Variants in PINX1 observed in about 807,000 individuals in gnomAD.
PINX1 encodes PIN2/TERF1-interacting telomerase inhibitor 1.
PINX1 carries 34 observed loss-of-function variants against 25.4 expected under a neutral mutation model. That is an observed-to-expected ratio of 1.34 (90% confidence interval 1.02 to 1.78). The LOEUF (loss-of-function observed/expected upper bound fraction) is 1.78, where lower values mean the gene tolerates loss of function less well. Among genes scored for constraint, PINX1 ranks in the 40% most tolerant of loss-of-function variants. PINX1 has a pLI of 0.00. For synonymous variants in PINX1, 197 were observed against 147.7 expected (o/e 1.33, Z -2.42); for missense variants, 592 against 404.9 (o/e 1.46, Z -3.97).
intron 6 of PINX1, among the ~76,000 whole-genome samples, chr8:10,783,059 A>T (rs775005662): frequency 4.6e-5 from 7 of 152,266 alleles, no homozygotes; most frequent in Admixed American, 2.0e-4. Context: ...GGGAGACTCC[A>T]TAGATTGCAA....
intron 6 of PINX1, among the ~76,000 whole-genome samples, chr8:10,798,757 G>A (rs1361590896): frequency 6.6e-6 from 1 of 152,178 alleles, no homozygotes; most frequent in East Asian, 1.9e-4. Flanking sequence ...CCTGGTCACT[G>A]TTTCTGAAAT....
At chr8:10,834,938 A>T (rs532224204) in intron 1 of PINX1, among the ~76,000 whole-genome samples, 163 bp from the exon 2 acceptor site, 2 of 152,390 alleles carry the variant, frequency 1.3e-5, no homozygotes, top group Non-Finnish European at 2.9e-5. Context: ...GTTAGACTGG[A>T]TCATTTATCC....
intron 6 of PINX1, among the ~76,000 whole-genome samples, chr8:10,784,075 G>C (rs986767266): frequency 6.6e-6 from 1 of 152,144 alleles, no homozygotes; most frequent in Non-Finnish European, 1.5e-5. Flanking sequence ...ATGATAATGT[G>C]TCATGCATCA....
At chr8:10,821,822 A>T (rs1429008965) in intron 5 of PINX1, 2 of 152,262 alleles carry the variant, frequency 1.3e-5, no homozygotes, top group African/African-American at 4.8e-5. Flanking sequence ...AATGCAAATT[A>T]AGGTCTCTTC....
At position 10,765,319 on chromosome 8, in the gene PINX1, C is replaced by A; in HGVS notation, c.*82G>T. ...GCGCCCAGGCGCTCTGGGGTGAACT[C>A]TGCTGTGACTTCAGGCCAGAGGTGT... is the stretch of plus-strand genomic sequence containing the variant. On this transcript the variant is annotated 3_prime_UTR_variant, in exon 7 of 7. Coordinates refer to ENST00000314787, the MANE Select transcript of PINX1 (RefSeq NM_017884.6). The A allele has an allele frequency of 1.5e-6, 2 of 1,345,986 alleles. No homozygotes were observed. Among genetic ancestry groups the A allele is most frequent in the Non-Finnish European group, 2.0e-6 (2 of 1,007,276 alleles). The allele number at this position is 1,345,986 out of a possible 1,614,324, so 83.4% of individuals were successfully genotyped here. A position where few individuals can be genotyped will look rare whatever the true frequency, so the allele number is the denominator to read the frequency against.
At chr8:10,784,552 G>A (rs142325639) in intron 6 of PINX1, among the ~76,000 whole-genome samples, 53 of 152,318 alleles carry the variant, frequency 3.5e-4, no homozygotes, top group African/African-American at 1.2e-3. Flanking sequence ...CTTAGGCAAA[G>A]TAGCTTTCCT....
chr8:10,807,301 A>G (rs1308295782), intron 6 of PINX1, among the ~76,000 whole-genome samples: 1 of 147,746 alleles, frequency 6.8e-6, no homozygotes, highest in Non-Finnish European at 1.5e-5. Flanking sequence ...AGGTTGGAAA[A>G]TAAAAATCAA....
intron 6 of PINX1, among the ~76,000 whole-genome samples, chr8:10,788,950 T>C (rs985878842): frequency 2.7e-4 from 37 of 137,026 alleles, no homozygotes; most frequent in African/African-American, 9.8e-4. Flanking sequence ...ACAGGAATAT[T>C]ATGTAATACC....
chr8:10,839,006 T>A (rs916692018), intron 1 of PINX1, among the ~76,000 whole-genome samples: 8 of 152,164 alleles, frequency 5.3e-5, no homozygotes, highest in Admixed American at 6.5e-5. Flanking sequence ...TTGCTCACTG[T>A]ACAACTCGCC....
chr8:10,807,899 G>T (rs1340252506), intron 6 of PINX1, among the ~76,000 whole-genome samples: 1 of 152,138 alleles, frequency 6.6e-6, no homozygotes, highest in Non-Finnish European at 1.5e-5. Context: ...CCGGGAGGTG[G>T]AAATCTTAAG....
At chr8:10,823,662 G>C (rs979648868) in intron 5 of PINX1, among the ~76,000 whole-genome samples, 4 of 152,006 alleles carry the variant, frequency 2.6e-5, no homozygotes, top group Non-Finnish European at 5.9e-5. Context: ...TTATATATCA[G>C]AACTAAAACG....
At chr8:10,791,408 C>T (rs1801918305) in intron 6 of PINX1, among the ~76,000 whole-genome samples, 1 of 152,170 alleles carries the variant, frequency 6.6e-6, no homozygotes, top group Non-Finnish European at 1.5e-5. Flanking sequence ...TCACTGCAGG[C>T]ACAGTATGAA....
At chr8:10,825,030 G>A (rs1412897318) in intron 5 of PINX1, among the ~76,000 whole-genome samples, 1 of 152,208 alleles carries the variant, frequency 6.6e-6, no homozygotes, top group Non-Finnish European at 1.5e-5. Flanking sequence ...AACGGAGGAA[G>A]CGGAAGAGCC....
chr8:10,791,952 C>A (rs1801936411), intron 6 of PINX1, among the ~76,000 whole-genome samples: 1 of 152,210 alleles, frequency 6.6e-6, no homozygotes, highest in South Asian at 2.1e-4. Flanking sequence ...ATCTCAGTCT[C>A]TCCACAGAGG....
intron 4 of PINX1, among the ~76,000 whole-genome samples, chr8:10,826,903 T>C (rs539453053): frequency 1.3e-5 from 2 of 152,352 alleles, no homozygotes; most frequent in African/African-American, 2.4e-5. Context: ...TGGTGGCCAA[T>C]CCTGTATCTT....
chr8:10,787,345 GC>G (rs1443080012), intron 6 of PINX1, among the ~76,000 whole-genome samples: 1 of 151,726 alleles, frequency 6.6e-6, no homozygotes, highest in Non-Finnish European at 1.5e-5. Flanking sequence ...TCCCACCACA[GC>G]CCCCCAAGGA....
At chr8:10,815,079 T>C (rs1027915793) in intron 6 of PINX1, among the ~76,000 whole-genome samples, 1 of 152,294 alleles carries the variant, frequency 6.6e-6, no homozygotes, top group South Asian at 2.1e-4. Context: ...TAGCTGAGAC[T>C]ACAGGTGGAT....
intron 6 of PINX1, among the ~76,000 whole-genome samples, chr8:10,781,170 C>T (rs1435728497): frequency 1.3e-5 from 2 of 152,066 alleles, no homozygotes; most frequent in Non-Finnish European, 2.9e-5. Context: ...GAAATTGGAC[C>T]TTATCTTACA....
Position 10,832,937 on chromosome 8 carries a change from T to A in PINX1, c.177A>T (p.Gln59His), listed in dbSNP as rs756445721. ...CGAGTCCCAGGTGGTTATTTTTCACTTGAACTTTAATATGATCTGTGGCTC... is the reference window on the plus strand; with the variant it reads ...CGAGTCCCAGGTGGTTATTTTTCACATGAACTTTAATATGATCTGTGGCTC... ...EQGATDHIKVQVKNNHLGLGA... is the reference protein window; with the variant it reads ...EQGATDHIKVHVKNNHLGLGA... Residue 59 changes from glutamine to histidine, a missense_variant, in exon 3 of 7, where the codon CAA becomes CAT. Coordinates refer to ENST00000314787, the MANE Select transcript of PINX1 (RefSeq NM_017884.6). 6.8e-6 allele frequency: 11 copies of A among 1,612,386 alleles called. No homozygotes were observed. The highest frequency in any genetic ancestry group is 8.5e-6 in the Non-Finnish European group (10 of 1,179,178).
Sources: allele counts gnomAD v4.1 joint callset (sites outside exome capture counted in the v4.1 genomes callset), GRCh38; gene constraint gnomAD v4.1.1; transcripts MANE v1.5; gene names NCBI Gene and HGNC (gene_info 2026-07-23, HGNC 2026-07-21).